HS2ST1: variants seen among roughly 807,000 people sequenced by gnomAD.
The protein encoded by HS2ST1 is heparan sulfate 2-O-sulfotransferase 1.
In HS2ST1, 18 loss-of-function variants were observed where a neutral mutation model predicts 42.9. That is an observed-to-expected ratio of 0.42 (90% confidence interval 0.29 to 0.62). The LOEUF is 0.62. Ranked by LOEUF, HS2ST1 falls within the 20% of genes least tolerant of loss-of-function variation. The probability of loss-of-function intolerance (pLI) is 0.21; values close to 1 mark genes in which losing one functional copy is unlikely to be tolerated. For missense variants in HS2ST1, 334 were observed against 433.8 expected, an observed-to-expected ratio of 0.77 and a Z score of 2.04; for synonymous variants, 146 against 152.9, an observed-to-expected ratio of 0.95 and a Z score of 0.33.
chr1:87,097,862 G>C lies in HS2ST1; in HGVS notation c.613G>C (p.Gly205Arg), dbSNP rs770036246. 1 of 1,614,106 alleles carries C rather than the reference G, an allele frequency of 6.2e-7. No homozygotes were observed. Among genetic ancestry groups the C allele is most frequent in the South Asian group, 1.1e-5 (1 of 91,086 alleles). ...GACCTTTGATGAATGTGTAGCAGAAGGTGGCTCAGACTGTGCTCCAGAGAA... is the reference window on the plus strand; with the variant it reads ...GACCTTTGATGAATGTGTAGCAGAACGTGGCTCAGACTGTGCTCCAGAGAA... ...KKTFDECVAEGGSDCAPEKLW... is the reference protein window; with the variant it reads ...KKTFDECVAERGSDCAPEKLW... Residue 205 changes from glycine to arginine, a missense_variant, in exon 5 of 7, where the codon GGT (glycine) becomes CGT (arginine). Physicochemically the swap from Gly to Arg is moderately radical, Grantham distance 125. Coordinates refer to ENST00000370550, the MANE Select transcript of HS2ST1 (RefSeq NM_012262.4).
chr1:87,078,140 T>A (rs1352741780), intron 2 of HS2ST1, among the ~76,000 whole-genome samples: 1 of 152,184 alleles, frequency 6.6e-6, no homozygotes, highest in Non-Finnish European at 1.5e-5. Flanking sequence ...CAGATAGTAA[T>A]TACAGAGTTG....
At chr1:86,964,534 A>G (rs1258391976) in intron 1 of HS2ST1, among the ~76,000 whole-genome samples, 1 of 152,270 alleles carries the variant, frequency 6.6e-6, no homozygotes, top group African/African-American at 2.4e-5. Flanking sequence ...GGCACTGGGC[A>G]GGCTGAGGCA....
chr1:86,985,521 CATATATATACATATATAT>C (rs1557504994), intron 1 of HS2ST1, among the ~76,000 whole-genome samples: 16 of 71,370 alleles, frequency 2.2e-4, no homozygotes, highest in East Asian at 1.5e-3. Context: ...TATATATACA[CATATATATACATATATAT>C]ACACACATAT....
chr1:87,102,464 TC>T (rs1213819319), intron 5 of HS2ST1, among the ~76,000 whole-genome samples: 2 of 152,156 alleles, frequency 1.3e-5, no homozygotes, highest in Non-Finnish European at 2.9e-5. Flanking sequence ...GCTCCCATGA[TC>T]CAGTTACCTC....
At chr1:87,045,707 C>T (rs1432259938) in intron 1 of HS2ST1, 1 of 805,704 alleles carries the variant, frequency 1.2e-6, no homozygotes, top group East Asian at 2.5e-5. Context: ...GAATAATATT[C>T]CCTGCCACTG....
chr1:87,098,138 G>C (rs1365705166), intron 5 of HS2ST1: 2 of 1,160,828 alleles, frequency 1.7e-6, no homozygotes, highest in East Asian at 4.7e-5. Context: ...TAATATCCTT[G>C]CATTGTTTTC....
intron 1 of HS2ST1, among the ~76,000 whole-genome samples, chr1:86,967,214 G>A (rs975730836): frequency 2.6e-5 from 4 of 152,088 alleles, no homozygotes; most frequent in African/African-American, 9.7e-5. Context: ...CTTTGAAGGA[G>A]TATTAGGATC....
intron 1 of HS2ST1, chr1:86,934,566 A>T (rs971888299): frequency 3.3e-5 from 5 of 152,286 alleles, no homozygotes; most frequent in African/African-American, 4.8e-5. Context: ...CTGTAGTCAC[A>T]TCTCTCTCCA....
intron 1 of HS2ST1, among the ~76,000 whole-genome samples, chr1:87,070,932 C>A (rs1031409033): frequency 6.6e-6 from 1 of 152,114 alleles, no homozygotes; most frequent in Non-Finnish European, 1.5e-5. Context: ...CCTTTATTCT[C>A]AACTGTACAC....
chr1:87,031,846 ATGT>A (rs1268789660), intron 1 of HS2ST1, among the ~76,000 whole-genome samples: 1 of 152,240 alleles, frequency 6.6e-6, no homozygotes, highest in Non-Finnish European at 1.5e-5. Context: ...AAGGTTAAAA[ATGT>A]TGGTGACAAT....
At chr1:87,021,606 C>G (rs1409293871) in intron 1 of HS2ST1, among the ~76,000 whole-genome samples, 1 of 152,164 alleles carries the variant, frequency 6.6e-6, no homozygotes, top group Non-Finnish European at 1.5e-5. Context: ...CCTTGAGTTT[C>G]CGGGCTCAAG....
At chr1:87,035,150 C>G (rs1329768875) in intron 1 of HS2ST1, among the ~76,000 whole-genome samples, 1 of 152,114 alleles carries the variant, frequency 6.6e-6, no homozygotes, top group Non-Finnish European at 1.5e-5. Context: ...TCTAGATCCT[C>G]CAGAAGGAAC....
intron 1 of HS2ST1, among the ~76,000 whole-genome samples, chr1:87,020,391 C>A (rs1452806376): frequency 6.6e-6 from 1 of 152,180 alleles, no homozygotes; most frequent in African/African-American, 2.4e-5. Context: ...TTTTATGCTT[C>A]CTATTCTAGT....
chr1:87,103,165 A>G (rs917003377), intron 5 of HS2ST1, among the ~76,000 whole-genome samples: 2 of 152,216 alleles, frequency 1.3e-5, no homozygotes, highest in South Asian at 2.1e-4. Context: ...ATCCATATAC[A>G]TTTTTAAAGT....
chr1:86,974,776 T>C (rs1232870563), intron 1 of HS2ST1, among the ~76,000 whole-genome samples: 2 of 152,142 alleles, frequency 1.3e-5, no homozygotes, highest in Non-Finnish European at 2.9e-5. Flanking sequence ...TCTGTGTGAG[T>C]ATAGGAGAAA....
rs553584232 is a variant in HS2ST1, at chr1:87,054,967, A to T, written c.125-17967A>T. ...AATACAGTGCCCCCTTTATATTACA[A>T]AGCCCTTCTTTGAAACAGCTCCTTA... is the stretch of plus-strand genomic sequence containing the variant. On this transcript the variant is annotated intron_variant, in intron 1 of 6. Coordinates refer to ENST00000370550, the MANE Select transcript of HS2ST1 (RefSeq NM_012262.4). Among the ~76,000 whole-genome samples the T allele has an allele frequency of 2.0e-4, 31 of 152,262 alleles. No individual in the cohort carries two copies. In the East Asian group the frequency reaches 5.8e-3, roughly 28 times the overall value.
chr1:86,917,123 G>A (rs979941331), intron 1 of HS2ST1, among the ~76,000 whole-genome samples: 1 of 152,066 alleles, frequency 6.6e-6, no homozygotes, highest in Admixed American at 6.5e-5. Context: ...AGTACAGGTG[G>A]GTGTTACCAT....
At chr1:87,082,125 A>G (rs1223797112) in intron 2 of HS2ST1, among the ~76,000 whole-genome samples, 1 of 152,234 alleles carries the variant, frequency 6.6e-6, no homozygotes, top group Non-Finnish European at 1.5e-5. Flanking sequence ...GAGCAACTAT[A>G]TGCCAATAAA....
At chr1:86,993,205 T>G (rs1649009021) in intron 1 of HS2ST1, 4 of 1,513,204 alleles carry the variant, frequency 2.6e-6, no homozygotes, top group African/African-American at 1.4e-5. Flanking sequence ...TCCCCTGTGA[T>G]AAAAGGTACA....
Sources: gnomAD v4.1 joint callset for allele counts (sites outside exome capture counted in the v4.1 genomes callset) on GRCh38, gnomAD v4.1.1 for gene constraint, MANE v1.5 for transcripts, NCBI Gene and HGNC (gene_info 2026-07-23, HGNC 2026-07-21) for gene names.